Variants in PNPLA1 observed in about 807,000 individuals in gnomAD.
The protein encoded by PNPLA1 is omega-hydroxyceramide transacylase.
A neutral mutation model predicts 51.7 loss-of-function variants in PNPLA1; 36 were observed. The observed-to-expected ratio is 0.70, with a 90% CI of 0.53 to 0.92. The LOEUF is 0.92. PNPLA1 is among the 40% of genes least tolerant of loss of function. The probability of loss-of-function intolerance (pLI) is 0.00; values close to 1 mark genes in which losing one functional copy is unlikely to be tolerated. For synonymous variants in PNPLA1, 293 were observed against 280.1 expected, an observed-to-expected ratio of 1.05 and a Z score of -0.46; for missense variants, 658 against 682.5, an observed-to-expected ratio of 0.96 and a Z score of 0.40.
chr6:36,292,950 T>A, intron 2 of PNPLA1, 111 bp from the exon 3 acceptor site: 3 of 897,118 alleles, frequency 3.3e-6, no homozygotes, highest in Non-Finnish European at 3.3e-6. Context: ...CACCTTCACC[T>A]AGAATTTAAG....
In PNPLA1 at chr6:36,278,808, T is replaced by C. The variant is rs186363233; in HGVS notation, c.205+8144T>C. Among the ~76,000 whole-genome samples, 104 of 152,360 alleles carry C rather than the reference T, an allele frequency of 6.8e-4. 1 individual carries two copies. In the East Asian group the frequency reaches 0.019, roughly 28 times the overall value. On this transcript the variant is annotated intron_variant, in intron 1 of 8. Coordinates refer to ENST00000636260, the MANE Select transcript of PNPLA1 (RefSeq NM_001374623.1). Reference sequence around the variant, plus strand: ...ATGAAATAGAACATTCATTCGCTCATTCATTCTAGGTCCTGGGGATCTGGC... The same window carrying C: ...ATGAAATAGAACATTCATTCGCTCACTCATTCTAGGTCCTGGGGATCTGGC...
Position 36,294,798 on chromosome 6 carries a change from GA to G in PNPLA1, c.714+402del, listed in dbSNP as rs1770808130. 6.6e-6 allele frequency among the ~76,000 whole-genome samples: 1 copy of G among 152,028 alleles called. No homozygotes were observed. The highest frequency in any genetic ancestry group is 6.5e-5 in the Admixed American group (1 of 15,268). ...TTTCCATTTTTAGAGAGTTATGGGGGAAAGAAAAAAAGAAGAAAAAGAAAAA... is the reference window on the plus strand; with the variant it reads ...TTTCCATTTTTAGAGAGTTATGGGGGAAGAAAAAAAGAAGAAAAAGAAAAA... On this transcript the variant is annotated intron_variant, in intron 4 of 8. Coordinates refer to ENST00000636260, the MANE Select transcript of PNPLA1 (RefSeq NM_001374623.1). The surrounding 1 kb of genome is among the most constrained non-coding windows in gnomAD (Gnocchi z 4.2).
At position 36,270,506 on chromosome 6, in the gene PNPLA1, T is replaced by A; in HGVS notation, c.47T>A (p.Ile16Asn). The A allele has an allele frequency of 6.4e-7, 1 of 1,551,454 alleles. No homozygotes were observed. Among genetic ancestry groups the A allele is most frequent in the East Asian group, 2.4e-5 (1 of 40,908 alleles). The change falls in exon 1 of 9, where the codon ATC (isoleucine) becomes AAC (asparagine). Residue 16 changes from isoleucine to asparagine, a missense_variant. Transcript: ENST00000636260. Reference protein sequence around the residue: ...FKGDPDTPHSISFSGSGFLSF... With the variant: ...FKGDPDTPHSNSFSGSGFLSF... The stretch of plus-strand genomic sequence containing the variant: ...GGGGACCCGGACACCCCTCACTCCA[T>A]CTCCTTCTCGGGCAGTGGATTCCTC...
intron 1 of PNPLA1, among the ~76,000 whole-genome samples, chr6:36,272,581 C>T (rs931348821): frequency 5.3e-5 from 8 of 152,136 alleles, no homozygotes; most frequent in African/African-American, 1.9e-4. Context: ...ATGTGGCAAC[C>T]ATCTGATTAG....
chr6:36,269,358 C>G (rs928146754), upstream of PNPLA1, among the ~76,000 whole-genome samples: 1 of 152,124 alleles, frequency 6.6e-6, no homozygotes, highest in Non-Finnish European at 1.5e-5. Flanking sequence ...TGATACAGCC[C>G]CTCAGGGGGC....
At chr6:36,291,255 G>T in intron 1 of PNPLA1, 65 bp from the exon 2 acceptor site, 2 of 1,324,496 alleles carry the variant, frequency 1.5e-6, no homozygotes, top group South Asian at 1.3e-5. Context: ...AACCACCCTA[G>T]ACCTCCCTTG....
intron 3 of PNPLA1, among the ~76,000 whole-genome samples, chr6:36,293,604 G>A (rs74661237): frequency 0.012 from 1,757 of 152,346 alleles, 33 homozygotes; most frequent in African/African-American, 0.04. Flanking sequence ...CTCAGGTGCT[G>A]CCCGTGCTGC....
intron 1 of PNPLA1, among the ~76,000 whole-genome samples, chr6:36,286,027 G>A (rs1346684237): frequency 6.6e-6 from 1 of 152,234 alleles, no homozygotes. Context: ...CTCCTGTTCA[G>A]ATGAGCAGTC....
At chr6:36,247,067 G>A (rs750559563) in intron 1 of PNPLA1, among the ~76,000 whole-genome samples, 3 of 152,022 alleles carry the variant, frequency 2.0e-5, no homozygotes, top group East Asian at 1.9e-4. Context: ...CCAGCCCGCC[G>A]ATGGTGCCCT....
At position 36,299,811 on chromosome 6, in the gene PNPLA1, C is replaced by A. The variant is rs551252094; in HGVS notation, c.776-2050C>A. Among the ~76,000 whole-genome samples the A allele has an allele frequency of 3.8e-4, 58 of 152,286 alleles. 1 individual carries two copies. In the South Asian group the frequency reaches 0.012, roughly 30 times the overall value. ...CTTCTTTGGTGAAGCATTCGTTCCA[C>A]TCTTTTGTACATTTCTCACCTAGAC... On this transcript the variant is annotated intron_variant, in intron 5 of 8. Transcript: ENST00000636260.
intron 1 of PNPLA1, among the ~76,000 whole-genome samples, chr6:36,278,322 G>A (rs1017754670): frequency 2.0e-5 from 3 of 152,234 alleles, no homozygotes; most frequent in Non-Finnish European, 2.9e-5. Context: ...TGGCCAGTGT[G>A]ATACTGAATG....
At chr6:36,305,323 A>G (rs1424627972) in intron 6 of PNPLA1, among the ~76,000 whole-genome samples, 1 of 152,208 alleles carries the variant, frequency 6.6e-6, no homozygotes, top group Non-Finnish European at 1.5e-5. Context: ...TAGTGGTATC[A>G]GTCATTTAAT....
intron 5 of PNPLA1, among the ~76,000 whole-genome samples, chr6:36,300,182 A>AGTGTGTGTGTGTGTGTGT (rs1770991260): frequency 1.6e-5 from 1 of 62,170 alleles, no homozygotes; most frequent in African/African-American, 5.0e-5. Flanking sequence ...TGTGTGTGAG[A>AGTGTGTGTGTGTGTGTGT]GAGAGAGAGA....
chr6:36,260,926 C>A (rs529129078), intron 1 of PNPLA1, among the ~76,000 whole-genome samples: 143 of 152,250 alleles, frequency 9.4e-4, no homozygotes, highest in Non-Finnish European at 1.5e-3. Flanking sequence ...CAGGCTCAAG[C>A]AATCCTCCTG....
At chr6:36,300,178 T>TGTGTGTGTGTGTGTGTGTGTGTGA in intron 5 of PNPLA1, among the ~76,000 whole-genome samples, 14 of 98,142 alleles carry the variant, frequency 1.4e-4, no homozygotes, top group African/African-American at 4.0e-4. Context: ...TGTGTGTGTG[T>TGTGTGTGTGTGTGTGTGTGTGTGA]GAGAGAGAGA....
chr6:36,282,873 T>TG (rs1160233090), intron 1 of PNPLA1, among the ~76,000 whole-genome samples: 12 of 152,224 alleles, frequency 7.9e-5, no homozygotes, highest in Middle Eastern at 3.4e-3. Flanking sequence ...TTAGTAGAGA[T>TG]GGGGTTTCAC....
chr6:36,268,507 T>C (rs1184281028), upstream of PNPLA1, among the ~76,000 whole-genome samples: 1 of 152,062 alleles, frequency 6.6e-6, no homozygotes, highest in Admixed American at 6.6e-5. Flanking sequence ...CCTTCCCTTC[T>C]CTGCAAGGGG....
chr6:36,271,771 G>A (rs1561854394), intron 1 of PNPLA1, among the ~76,000 whole-genome samples: 2 of 152,196 alleles, frequency 1.3e-5, no homozygotes, highest in Non-Finnish European at 2.9e-5. Flanking sequence ...CAGGTCATGT[G>A]GCCTTAGCCA....
intron 1 of PNPLA1, among the ~76,000 whole-genome samples, chr6:36,256,278 C>T (rs1769531370): frequency 6.6e-6 from 1 of 151,796 alleles, no homozygotes; most frequent in Non-Finnish European, 1.5e-5. Context: ...ATCCCTTGAA[C>T]CCAGGAGTTT....
Sources: gnomAD v4.1 joint callset for allele counts (sites outside exome capture counted in the v4.1 genomes callset) on GRCh38, gnomAD v4.1.1 for gene constraint, Gnocchi (gnomAD v3.1) non-coding constraint, MANE v1.5 for transcripts, NCBI Gene and HGNC (gene_info 2026-07-23, HGNC 2026-07-21) for gene names.